CBL: variants seen among roughly 807,000 people sequenced by gnomAD.
CBL encodes E3 ubiquitin-protein ligase CBL.
Under a neutral mutation model 96.9 loss-of-function variants are expected in CBL, and 45 were observed. The observed-to-expected ratio is 0.46, with a 90% CI of 0.37 to 0.60. CBL has a LOEUF of 0.60. CBL is among the 20% of genes least tolerant of loss of function. CBL has a pLI of 0.00. For missense variants in CBL, 1,024 were observed against 1,143.5 expected, an observed-to-expected ratio of 0.90 and a Z score of 1.51; for synonymous variants, 420 against 426.8, an observed-to-expected ratio of 0.98 and a Z score of 0.20.
intron 2 of CBL, among the ~76,000 whole-genome samples, chr11:119,259,271 T>G (rs1179576711): frequency 6.6e-6 from 1 of 152,166 alleles, no homozygotes; most frequent in African/African-American, 2.4e-5. Context: ...TGGGTGCCCT[T>G]TCTTTCTCTT....
rs2135265453 is a variant in CBL, at chr11:119,231,626, T to A, written c.196-822T>A. ...AGGAGGCTGAGGCAGGAGAATCGCT[T>A]GAACCCGGGAGGCGGAGGTTGCGGT... On this transcript the variant is annotated intron_variant, in intron 1 of 15. Coordinates refer to ENST00000264033, the MANE Select transcript of CBL (RefSeq NM_005188.4). Among the ~76,000 whole-genome samples the A allele has an allele frequency of 2.6e-5, 4 of 151,956 alleles. No individual in the cohort carries two copies. The South Asian group carries it at 8.3e-4, about 32-fold the overall frequency.
At chr11:119,235,527 G>C (rs771058213) in intron 2 of CBL, among the ~76,000 whole-genome samples, 2 of 152,162 alleles carry the variant, frequency 1.3e-5, no homozygotes, top group Non-Finnish European at 2.9e-5. Context: ...GGCTGAGGAG[G>C]AGGAGTAGGA....
intron 11 of CBL, among the ~76,000 whole-genome samples, chr11:119,286,672 T>C (rs550462070): frequency 6.6e-6 from 1 of 151,930 alleles, no homozygotes; most frequent in East Asian, 1.9e-4. Context: ...CCCAAAAGAA[T>C]TTTAATTTGT....
Position 119,282,934 on chromosome 11 carries a change from G to A in CBL, c.1432-2035G>A, listed in dbSNP as rs555171142. Among the ~76,000 whole-genome samples, 6 of 150,258 alleles carry A rather than the reference G, an allele frequency of 4.0e-5. No individual in the cohort carries two copies. In the South Asian group the frequency reaches 1.1e-3, roughly 27 times the overall value. ...CCCCGTCTACCCGTGCCTTCCCCGC[G>A]CCCCAAAAAAAAAAAAGCCACATGT... On this transcript the variant is annotated intron_variant, in intron 9 of 15. Transcript: ENST00000264033.
chr11:119,239,120 C>T (rs537206079), intron 2 of CBL, among the ~76,000 whole-genome samples: 276 of 152,218 alleles, frequency 1.8e-3, no homozygotes, highest in Middle Eastern at 0.01. Context: ...CAGGTGCGCA[C>T]CATCATGCCT....
chr11:119,236,129 T>G (rs1271604935), intron 2 of CBL, among the ~76,000 whole-genome samples: 2 of 152,144 alleles, frequency 1.3e-5, no homozygotes, highest in African/African-American at 4.8e-5. Flanking sequence ...TTTAGTGTAT[T>G]CGCAAAGTCA....
chr11:119,248,288 G>T (rs868659974), intron 2 of CBL, among the ~76,000 whole-genome samples: 1 of 152,200 alleles, frequency 6.6e-6, no homozygotes, highest in African/African-American at 2.4e-5. Flanking sequence ...CAGACCAGTA[G>T]ACTAGAATTG....
chr11:119,221,261 A>G (rs1949408678), intron 1 of CBL, among the ~76,000 whole-genome samples: 1 of 151,082 alleles, frequency 6.6e-6, no homozygotes, highest in African/African-American at 2.4e-5. Context: ...AAAAAAAAGT[A>G]TAGGTTTCCG....
intron 1 of CBL, among the ~76,000 whole-genome samples, chr11:119,230,914 G>C (rs1949497434): frequency 6.6e-6 from 1 of 152,202 alleles, no homozygotes; most frequent in Admixed American, 6.5e-5. Context: ...AACAATGATT[G>C]TTACATTGGA....
chr11:119,268,310 AAT>A (rs1470746650), intron 2 of CBL, among the ~76,000 whole-genome samples: 7 of 152,208 alleles, frequency 4.6e-5, no homozygotes. Context: ...GCATTAGGCC[AAT>A]ACCACATAAA....
intron 2 of CBL, among the ~76,000 whole-genome samples, chr11:119,240,065 G>T (rs1032118920): frequency 6.6e-6 from 1 of 152,258 alleles, no homozygotes; most frequent in South Asian, 2.1e-4. Flanking sequence ...GCTGAGGTGG[G>T]CAGATCACTT....
At chr11:119,283,730 C>T (rs989321720) in intron 9 of CBL, among the ~76,000 whole-genome samples, 5 of 141,404 alleles carry the variant, frequency 3.5e-5, no homozygotes, top group Admixed American at 7.4e-5. Flanking sequence ...CTCCGCCTCC[C>T]GGGTTCATGC....
At chr11:119,260,876 TC>T (rs1949748783) in intron 2 of CBL, among the ~76,000 whole-genome samples, 1 of 150,762 alleles carries the variant, frequency 6.6e-6, no homozygotes, top group Non-Finnish European at 1.5e-5. Context: ...CAGTCCCAGA[TC>T]CTTAATGACT....
intron 1 of CBL, among the ~76,000 whole-genome samples, chr11:119,230,267 T>G (rs1949491744): frequency 6.6e-6 from 1 of 151,904 alleles, no homozygotes; most frequent in Non-Finnish European, 1.5e-5. Flanking sequence ...TTCTCCTGCC[T>G]CAGCCTCTCC....
At chr11:119,211,505 CTT>C (rs1949318703) in intron 1 of CBL, among the ~76,000 whole-genome samples, 2 of 151,950 alleles carry the variant, frequency 1.3e-5, no homozygotes, top group Admixed American at 6.6e-5. Context: ...TGTTACAACT[CTT>C]TTTATTTTTT....
intron 2 of CBL, among the ~76,000 whole-genome samples, chr11:119,245,978 T>C (rs1307094544): frequency 8.1e-6 from 1 of 122,862 alleles, no homozygotes; most frequent in Non-Finnish European, 1.6e-5. Context: ...TTTTTTTTTT[T>C]TTTTTTTTTT....
intron 2 of CBL, among the ~76,000 whole-genome samples, chr11:119,259,168 C>G (rs1949733456): frequency 6.6e-6 from 1 of 152,030 alleles, no homozygotes; most frequent in South Asian, 2.1e-4. Flanking sequence ...CTTATCAAAT[C>G]TAGTTGTCTT....
At position 119,302,606 on chromosome 11, in the gene CBL, G is replaced by A. The variant is rs1950109143; in HGVS notation, c.*2825G>A. The A allele has an allele frequency of 4.3e-6, 1 of 231,664 alleles. No individual in the cohort carries two copies. Among genetic ancestry groups the A allele is most frequent in the East Asian group, 6.1e-5 (1 of 16,372 alleles). 14.4% of individuals were successfully genotyped at this position (231,664 alleles called of 1,614,324 possible). On this transcript the variant is annotated 3_prime_UTR_variant, in exon 16 of 16. Transcript: ENST00000264033. Reference sequence around the variant, plus strand: ...GGCTGTTGTATTCAGCCAGTCTCATGCTTTCCCTGGGTCTTCACGGATTGC... The same window carrying A: ...GGCTGTTGTATTCAGCCAGTCTCATACTTTCCCTGGGTCTTCACGGATTGC...
At chr11:119,292,819 G>A (rs746351848) in intron 12 of CBL, among the ~76,000 whole-genome samples, 8 of 150,976 alleles carry the variant, frequency 5.3e-5, no homozygotes, top group African/African-American at 9.8e-5. Flanking sequence ...GTGTAGATAC[G>A]GGGTTTTGCT....
Sources: gnomAD v4.1 joint callset for allele counts (sites outside exome capture counted in the v4.1 genomes callset) on GRCh38, gnomAD v4.1.1 for gene constraint, MANE v1.5 for transcripts, NCBI Gene and HGNC (gene_info 2026-07-23, HGNC 2026-07-21) for gene names.